The following PAMR1 variants were observed in gnomAD, a reference collection of about 807,000 sequenced individuals.
PAMR1 encodes the protein peptidase domain containing associated with muscle regeneration 1.
A neutral mutation model predicts 81.8 loss-of-function variants in PAMR1; 88 were observed. The observed-to-expected ratio is 1.08, with a 90% CI of 0.91 to 1.28. The LOEUF (loss-of-function observed/expected upper bound fraction) is 1.28. Ranked by LOEUF, PAMR1 falls within the 50% of genes most tolerant of loss-of-function variation. PAMR1 has a pLI of 0.00. For missense variants in PAMR1, 935 were observed against 919.7 expected (o/e 1.02, Z -0.21); for synonymous variants, 336 against 345.3 (o/e 0.97, Z 0.30).
At chr11:35,444,683 T>A (rs1043974092) in intron 6 of PAMR1, among the ~76,000 whole-genome samples, 1 of 152,196 alleles carries the variant, frequency 6.6e-6, no homozygotes, top group Non-Finnish European at 1.5e-5. Flanking sequence ...GAGGTCTCTG[T>A]TCTGTTCCAT....
rs796947640 is a variant in PAMR1, at chr11:35,522,384, C to A, written c.73+3129G>T. Reference sequence around the variant, plus strand: ...ATCTTCTCCTGGGCCCTGGCAATTACCACCCTACTTTCTGTCTACATGAAT... The same window carrying A: ...ATCTTCTCCTGGGCCCTGGCAATTAACACCCTACTTTCTGTCTACATGAAT... On this transcript the variant is annotated intron_variant, in intron 1 of 10. Coordinates refer to ENST00000619888, the MANE Select transcript of PAMR1 (RefSeq NM_001001991.3). Among the ~76,000 whole-genome samples, 20 of 152,298 alleles carry A rather than the reference C, an allele frequency of 1.3e-4. 1 individual carries two copies. Among genetic ancestry groups the A allele is most frequent in the African/African-American group, 4.8e-4 (20 of 41,578 alleles).
At chr11:35,469,391 G>A (rs1856558265) in intron 5 of PAMR1, among the ~76,000 whole-genome samples, 1 of 152,198 alleles carries the variant, frequency 6.6e-6, no homozygotes, top group South Asian at 2.1e-4. Context: ...TCACAGACTG[G>A]CCAGCCACTG....
At chr11:35,471,068 CAG>C (rs978170939) in intron 4 of PAMR1, among the ~76,000 whole-genome samples, 31 of 152,340 alleles carry the variant, frequency 2.0e-4, no homozygotes, top group African/African-American at 7.5e-4. Flanking sequence ...ATAATCCATG[CAG>C]AGACTCTTTG....
At chr11:35,460,534 T>C (rs942706695) in intron 6 of PAMR1, among the ~76,000 whole-genome samples, 1 of 152,132 alleles carries the variant, frequency 6.6e-6, no homozygotes, top group South Asian at 2.1e-4. Context: ...GTCCAAGTGT[T>C]CTCATTGTTC....
intron 6 of PAMR1, among the ~76,000 whole-genome samples, chr11:35,450,350 T>TTTC (rs1488022451): frequency 6.6e-6 from 1 of 152,190 alleles, no homozygotes; most frequent in East Asian, 1.9e-4. Flanking sequence ...TCAGCATTTT[T>TTTC]TTCTGGCAAA....
intron 3 of PAMR1, among the ~76,000 whole-genome samples, chr11:35,485,135 T>G (rs931472719): frequency 6.6e-6 from 1 of 152,102 alleles, no homozygotes; most frequent in African/African-American, 2.4e-5. Context: ...CATTTGAGGG[T>G]CAGGGGTAGA....
chr11:35,500,220 C>T (rs766909688), intron 1 of PAMR1, among the ~76,000 whole-genome samples: 6 of 152,154 alleles, frequency 3.9e-5, no homozygotes, highest in Non-Finnish European at 7.3e-5. Context: ...TAATTTGTTA[C>T]AGTATCAGTA....
In PAMR1 at chr11:35,432,681, T is replaced by G. The variant is rs769215931; in HGVS notation, c.1838A>C (p.Lys613Thr). 1 of 1,613,482 alleles carries G rather than the reference T, an allele frequency of 6.2e-7. No homozygotes were observed. Among genetic ancestry groups the G allele is most frequent in the East Asian group, 2.2e-5 (1 of 44,870 alleles). The part of the protein sequence containing the change: ...VLADVRSPGF[K>T]NDTLRSGVVS... Reference sequence around the variant, plus strand: ...CACCCCAGAGCGCAGTGTGTCGTTCTTGAAGCCAGGGCTCCTCACGTCTGC... The same window carrying G: ...CACCCCAGAGCGCAGTGTGTCGTTCGTGAAGCCAGGGCTCCTCACGTCTGC... Residue 613 changes from lysine (K) to threonine (T), a missense_variant, in exon 11 of 11, where the codon AAG (lysine) becomes ACG (threonine). By Grantham distance (78) the Lys-to-Thr change is moderately conservative (BLOSUM62 -1). Transcript: ENST00000619888.
upstream of PAMR1, chr11:35,525,789 T>C (rs1014010324): frequency 1.7e-6 from 1 of 590,822 alleles, no homozygotes. Context: ...TCCTCTCTGC[T>C]GCCTTAACCC....
At chr11:35,483,448 T>G (rs1024892510) in intron 3 of PAMR1, among the ~76,000 whole-genome samples, 1 of 152,068 alleles carries the variant, frequency 6.6e-6, no homozygotes, top group East Asian at 1.9e-4. Context: ...ATAAAATACT[T>G]GGTGGAGAGG....
chr11:35,525,924 GGGCCATAGGACCCTGGGCGGGAGCAGA>G, upstream of PAMR1: 1 of 359,098 alleles, frequency 2.8e-6, no homozygotes, highest in Non-Finnish European at 5.1e-6. Flanking sequence ...CTGGGAGGAG[GGGCCATAGGACCCTGGGCGGGAGCAGA>G]GGTACCCAGG....
At chr11:35,447,086 T>C (rs1000257187) in intron 6 of PAMR1, among the ~76,000 whole-genome samples, 4 of 152,198 alleles carry the variant, frequency 2.6e-5, no homozygotes, top group African/African-American at 9.6e-5. Context: ...GATTATATAA[T>C]GCCCTTCTTT....
chr11:35,441,472 G>GTT lies in PAMR1; in HGVS notation c.1033+8_1033+9insAA. ...ATGTCCGTAGACTTCAGAAACAATT[G>GTT]TAAGTTACCTTTTATGCAGATGGGC... is the stretch of plus-strand genomic sequence containing the variant. On this transcript the variant is annotated intron_variant, in intron 7 of 10. Coordinates refer to ENST00000619888, the MANE Select transcript of PAMR1 (RefSeq NM_001001991.3). 1 of 1,601,496 alleles carries GTT rather than the reference G, an allele frequency of 6.2e-7. No homozygotes were observed. The highest frequency in any genetic ancestry group is 1.1e-5 in the South Asian group (1 of 90,580).
At chr11:35,462,977 T>G (rs1168998298) in intron 6 of PAMR1, among the ~76,000 whole-genome samples, 1 of 152,210 alleles carries the variant, frequency 6.6e-6, no homozygotes, top group Non-Finnish European at 1.5e-5. Context: ...AAATTCCATT[T>G]TTAAATGCCT....
intron 4 of PAMR1, among the ~76,000 whole-genome samples, chr11:35,473,310 G>A (rs1311276129): frequency 6.6e-6 from 1 of 152,070 alleles, no homozygotes; most frequent in Non-Finnish European, 1.5e-5. Context: ...CCCTTTCCTG[G>A]GCAGCTAATA....
chr11:35,482,501 AT>A (rs972099599), intron 3 of PAMR1, among the ~76,000 whole-genome samples: 8 of 152,218 alleles, frequency 5.3e-5, no homozygotes, highest in African/African-American at 1.9e-4. Flanking sequence ...TTTGCTTAAG[AT>A]TGTTTTGGCT....
intron 6 of PAMR1, among the ~76,000 whole-genome samples, chr11:35,443,905 A>G (rs775036333): frequency 3.3e-4 from 50 of 152,250 alleles, no homozygotes; most frequent in Non-Finnish European, 5.6e-4. Flanking sequence ...TGCGACTGGC[A>G]TGAGATAGTA....
At chr11:35,444,057 A>G (rs1226836296) in intron 6 of PAMR1, among the ~76,000 whole-genome samples, 1 of 152,242 alleles carries the variant, frequency 6.6e-6, no homozygotes, top group Non-Finnish European at 1.5e-5. Flanking sequence ...AGCAAAAAGA[A>G]CAAAGCTGGA....
chr11:35,438,547 C>A (rs192735717), intron 8 of PAMR1, among the ~76,000 whole-genome samples: 30 of 152,302 alleles, frequency 2.0e-4, no homozygotes, highest in African/African-American at 5.1e-4. Flanking sequence ...AGGTCTTGAA[C>A]CTTTGTTTGT....
Sources: allele counts gnomAD v4.1 joint callset (sites outside exome capture counted in the v4.1 genomes callset), GRCh38; gene constraint gnomAD v4.1.1; transcripts MANE v1.5; gene names NCBI Gene and HGNC (gene_info 2026-07-23, HGNC 2026-07-21).